Variants in TARS3 observed in about 807,000 individuals in gnomAD.
TARS3 encodes the protein threonyl-tRNA synthetase 3.
Under a neutral mutation model 103.5 loss-of-function variants are expected in TARS3, and 94 were observed. The observed-to-expected ratio is 0.91, with a 90% confidence interval of 0.77 to 1.08. The LOEUF is 1.08. Ranked by LOEUF, TARS3 falls within the 50% of genes least tolerant of loss-of-function variation. TARS3 has a pLI of 0.00. For missense variants in TARS3, 952 were observed against 995.2 expected (o/e 0.96, Z 0.58); for synonymous variants, 416 against 355.4 (o/e 1.17, Z -1.92).
chr15:101,673,692 C>G (rs1036407323), intron 13 of TARS3, among the ~76,000 whole-genome samples: 1 of 152,178 alleles, frequency 6.6e-6, no homozygotes, highest in Admixed American at 6.5e-5. Context: ...AGTCTGCATC[C>G]TTCCCAGGGT....
At chr15:101,656,836 T>C in intron 18 of TARS3, 86 bp downstream of exon 18, 1 of 763,966 alleles carries the variant, frequency 1.3e-6, no homozygotes. Flanking sequence ...GATAATCAAG[T>C]AGTTGAACCA....
At position 101,661,785 on chromosome 15, in the gene TARS3, T is replaced by C. The variant is rs1440404624; in HGVS notation, c.1999A>G (p.Ile667Val). Residue 667 changes from isoleucine to valine, a missense_variant, in exon 16 of 19, where the codon ATC becomes GTC. By Grantham distance (29) the Ile-to-Val change is conservative. This residue lies in a region of TARS3 where 540 missense variants were observed against 631.0 expected (regional missense o/e 0.86). Coordinates refer to ENST00000335968, the MANE Select transcript of TARS3 (RefSeq NM_152334.3). Reference protein sequence around the residue: ...KDGDDKKRPVIIHRAILGSVE... With the variant: ...KDGDDKKRPVVIHRAILGSVE... The stretch of plus-strand genomic sequence containing the variant: ...GATCCCAAAATGGCTCGATGAATGA[T>C]CACAGGTCTCTTCTTATCATCCCCA... 2.5e-6 allele frequency: 4 copies of C among 1,607,086 alleles called. No individual in the cohort carries two copies. Among genetic ancestry groups the C allele is most frequent in the South Asian group, 1.1e-5 (1 of 89,754 alleles).
In TARS3 at chr15:101,654,696, T is replaced by G; in HGVS notation, c.2295A>C (p.Val765=). Residue 765 remains valine, a synonymous_variant, in exon 19 of 19, where the codon GTA becomes GTC. Transcript: ENST00000335968. ...TTTTGTTGTCTCTTGTTCGCACGTT[T>G]ACAGCATTATCTATCTTTTCCTTTT... is the stretch of plus-strand genomic sequence containing the variant. ...VGEKEKIDNA[V]NVRTRDNKIH... is the part of the protein sequence containing the mutation. The G allele has an allele frequency of 6.2e-7, 1 of 1,614,114 alleles. No homozygotes were observed. The highest frequency in any genetic ancestry group is 8.5e-7 in the Non-Finnish European group (1 of 1,179,994).
At chr15:101,670,541 A>C (rs1407436396) in intron 15 of TARS3, among the ~76,000 whole-genome samples, 1 of 152,250 alleles carries the variant, frequency 6.6e-6, no homozygotes, top group Non-Finnish European at 1.5e-5. Flanking sequence ...AAGGATGTGG[A>C]ACATCTGGAA....
chr15:101,693,791 A>G (rs1444598348), intron 10 of TARS3, among the ~76,000 whole-genome samples: 1 of 152,196 alleles, frequency 6.6e-6, no homozygotes, highest in African/African-American at 2.4e-5. Context: ...GAAAGCGGTC[A>G]GTCTCTAAAG....
intron 3 of TARS3, among the ~76,000 whole-genome samples, chr15:101,719,780 A>C (rs1227271968): frequency 6.6e-6 from 1 of 152,184 alleles, no homozygotes; most frequent in Non-Finnish European, 1.5e-5. Flanking sequence ...GATCAACAAG[A>C]TGGGAGGAAG....
chr15:101,679,676 A>G (rs1213669350), intron 12 of TARS3, among the ~76,000 whole-genome samples: 3 of 152,160 alleles, frequency 2.0e-5, no homozygotes, highest in Non-Finnish European at 4.4e-5. Flanking sequence ...TCTTGTTCTT[A>G]GCATGATGAG....
intron 12 of TARS3, among the ~76,000 whole-genome samples, chr15:101,679,103 A>G (rs113589129): frequency 7.6e-4 from 115 of 152,146 alleles, no homozygotes; most frequent in African/African-American, 2.5e-3. Flanking sequence ...TTTTCAGTTT[A>G]CTATGATATA....
intron 8 of TARS3, 24 bp from the exon 9 acceptor site, chr15:101,702,409 T>C (rs147025426): frequency 1.3e-6 from 2 of 1,598,574 alleles, no homozygotes; most frequent in African/African-American, 1.3e-5. Context: ...AGGATTTTGG[T>C]AAATATATCA....
At chr15:101,723,939 CGA>C (rs1337699470) in intron 1 of TARS3, 150 bp downstream of exon 1, 1 of 609,776 alleles carries the variant, frequency 1.6e-6, no homozygotes, top group Non-Finnish European at 2.4e-6. Flanking sequence ...ACGGGACCAC[CGA>C]GCAGGGCAGG....
At chr15:101,710,297 C>G (rs1214146185) in intron 5 of TARS3, among the ~76,000 whole-genome samples, 2 of 152,146 alleles carry the variant, frequency 1.3e-5, no homozygotes, top group African/African-American at 4.8e-5. Context: ...TTGTAACATC[C>G]ATTATAATAC....
At chr15:101,705,895 G>A in intron 6 of TARS3, 148 bp from the exon 7 acceptor site, 2 of 684,120 alleles carry the variant, frequency 2.9e-6, no homozygotes, top group Non-Finnish European at 5.0e-6. Flanking sequence ...ACAGCCTTGA[G>A]CGACACCGTG....
At position 101,685,888 on chromosome 15, in the gene TARS3, AT is replaced by A; in HGVS notation, c.1487+7del. 1 of 1,611,240 alleles carries A rather than the reference AT, an allele frequency of 6.2e-7. No homozygotes were observed. Among genetic ancestry groups the A allele is most frequent in the Non-Finnish European group, 8.5e-7 (1 of 1,178,168 alleles). ...CATGAAAAGGTCTGCTTCGCTTTTA[AT>A]ACTCACCAGTGCCCTGGACAATTCA... On this transcript the variant is annotated splice_region_variant and intron_variant, in intron 11 of 18. Transcript: ENST00000335968.
chr15:101,708,951 A>G (rs775604722), intron 5 of TARS3, 41 bp from the exon 6 acceptor site: 3 of 1,273,718 alleles, frequency 2.4e-6, no homozygotes, highest in African/African-American at 1.5e-5. Flanking sequence ...TCTTCCAGAC[A>G]TTATGCATTC....
At chr15:101,669,773 A>G (rs1897724950) in intron 15 of TARS3, among the ~76,000 whole-genome samples, 2 of 152,228 alleles carry the variant, frequency 1.3e-5, no homozygotes, top group Non-Finnish European at 2.9e-5. Context: ...AGTAGGCTCT[A>G]CCACCCAGGT....
At chr15:101,700,296 C>T (rs1027873110) in intron 10 of TARS3, among the ~76,000 whole-genome samples, 9 of 152,188 alleles carry the variant, frequency 5.9e-5, no homozygotes, top group African/African-American at 2.2e-4. Flanking sequence ...CACCTATGAA[C>T]TTGTAATACA....
At chr15:101,711,455 C>T (rs1330888970) in intron 5 of TARS3, among the ~76,000 whole-genome samples, 1 of 152,280 alleles carries the variant, frequency 6.6e-6, no homozygotes, top group East Asian at 1.9e-4. Context: ...CCTCTGCCAC[C>T]CGGAGACAGC....
chr15:101,671,500 A>G lies in TARS3; in HGVS notation c.1953T>C (p.Asn651=), dbSNP rs1290859771. 3 of 1,606,750 alleles carry G rather than the reference A, an allele frequency of 1.9e-6. No homozygotes were observed. The highest frequency in any genetic ancestry group is 2.2e-5 in the South Asian group (2 of 90,816). ...CAATCACTCACCTAACATATGTGAG[A>G]TTAAATCTAATAGGCAGTTGGAAGT... is the stretch of plus-strand genomic sequence containing the variant. The part of the protein sequence containing the change: ...QLDFQLPIRF[N]LTYVSKDGDD... Residue 651 remains asparagine, a synonymous_variant, in exon 15 of 19, where the codon AAT becomes AAC. Transcript: ENST00000335968.
At position 101,696,807 on chromosome 15, in the gene TARS3, C is replaced by G. The variant is rs1015867733; in HGVS notation, c.1320+4279G>C. Among the ~76,000 whole-genome samples the G allele has an allele frequency of 7.9e-5, 12 of 152,178 alleles. No individual in the cohort carries two copies. In the South Asian group the frequency reaches 8.3e-4, roughly 11 times the overall value. ...ATCAGAAACAAGCCCTTTTGAAAGA[C>G]TTGTTCCACCACTGATTTACACAAC... On this transcript the variant is annotated intron_variant, in intron 10 of 18. Coordinates refer to ENST00000335968, the MANE Select transcript of TARS3 (RefSeq NM_152334.3).
Sources: allele counts gnomAD v4.1 joint callset (sites outside exome capture counted in the v4.1 genomes callset), GRCh38; gene constraint gnomAD v4.1.1; regional missense constraint gnomAD v4.1.1; transcripts MANE v1.5; gene names NCBI Gene and HGNC (gene_info 2026-07-23, HGNC 2026-07-21).